RABGAP1: variants seen among roughly 807,000 people sequenced by gnomAD.
The protein encoded by RABGAP1 is rab GTPase-activating protein 1.
Under a neutral mutation model 137.6 loss-of-function variants are expected in RABGAP1, and 23 were observed. That is an observed-to-expected ratio of 0.17 (90% CI 0.12 to 0.24). The LOEUF (loss-of-function observed/expected upper bound fraction) is 0.24, where lower values mean the gene tolerates loss of function less well. Ranked by LOEUF, RABGAP1 falls within the 10% of genes least tolerant of loss-of-function variation. The pLI is 1.00. For synonymous variants in RABGAP1, 451 were observed against 450.7 expected (o/e 1.00, Z -0.01); for missense variants, 906 against 1,275.8 (o/e 0.71, Z 4.42).
intron 2 of RABGAP1, among the ~76,000 whole-genome samples, chr9:122,979,646 A>G (rs1286514683): frequency 6.6e-6 from 1 of 152,196 alleles, no homozygotes; most frequent in Non-Finnish European, 1.5e-5. Context: ...ATATGATGTG[A>G]ACTATTGAGA....
intron 1 of RABGAP1, among the ~76,000 whole-genome samples, chr9:122,953,659 A>G (rs1436657765): frequency 6.6e-6 from 1 of 152,212 alleles, no homozygotes; most frequent in African/African-American, 2.4e-5. Flanking sequence ...TTGACCTCCC[A>G]AAGTGCTGGG....
intron 21 of RABGAP1, among the ~76,000 whole-genome samples, chr9:123,096,772 A>G (rs10818786): frequency 3.9e-5 from 6 of 152,054 alleles, no homozygotes; most frequent in African/African-American, 7.2e-5. Flanking sequence ...GGGTTTCACT[A>G]TGTTGGCCAG....
At chr9:122,935,032 C>G in the RABGAP1 span, among the ~76,000 whole-genome samples, 1 of 152,144 alleles carries the variant, frequency 6.6e-6, no homozygotes, top group Non-Finnish European at 1.5e-5. Context: ...TGTCACTTCT[C>G]TATTTGTGTT....
intron 1 of RABGAP1, among the ~76,000 whole-genome samples, chr9:122,943,431 A>G (rs1055946880): frequency 7.9e-5 from 12 of 152,136 alleles, no homozygotes; most frequent in African/African-American, 2.9e-4. Flanking sequence ...ATTAATAGGT[A>G]TATATTTGTT....
intron 21 of RABGAP1, among the ~76,000 whole-genome samples, chr9:123,095,740 A>C (rs2035165242): frequency 1.3e-5 from 2 of 151,854 alleles, no homozygotes; most frequent in Admixed American, 1.3e-4. Flanking sequence ...TCTCCATGTA[A>C]GCACTATTTT....
chr9:123,052,977 A>G (rs2033551817), intron 13 of RABGAP1, among the ~76,000 whole-genome samples: 1 of 152,200 alleles, frequency 6.6e-6, no homozygotes, highest in African/African-American at 2.4e-5. Flanking sequence ...CTTTGCATAC[A>G]GAGTCAGATA....
chr9:122,990,837 G>A (rs1836686043), intron 6 of RABGAP1: 1 of 73,276 alleles, frequency 1.4e-5, no homozygotes, highest in Non-Finnish European at 2.8e-5. Context: ...ATATATATAT[G>A]GCCAAAGCTT....
chr9:123,002,473 A>G (rs190105610), intron 10 of RABGAP1, among the ~76,000 whole-genome samples: 14 of 151,264 alleles, frequency 9.3e-5, no homozygotes, highest in Admixed American at 3.3e-4. Context: ...CTTTAATCTC[A>G]TTTTAGTGAA....
chr9:123,001,746 C>T (rs889579990), intron 10 of RABGAP1, among the ~76,000 whole-genome samples: 2 of 152,214 alleles, frequency 1.3e-5, no homozygotes, highest in Admixed American at 6.5e-5. Flanking sequence ...ATAGAATCTT[C>T]CTCATAGTGC....
intron 14 of RABGAP1, among the ~76,000 whole-genome samples, chr9:123,067,645 C>T (rs1482060543): frequency 1.3e-5 from 2 of 152,194 alleles, no homozygotes; most frequent in Non-Finnish European, 2.9e-5. Context: ...ACCGTGATGT[C>T]TTCAAGGGCA....
intron 2 of RABGAP1, among the ~76,000 whole-genome samples, chr9:122,966,291 G>A (rs1210669821): frequency 1.3e-5 from 2 of 152,138 alleles, no homozygotes; most frequent in African/African-American, 2.4e-5. Context: ...ATGGGAGGCT[G>A]AGACAGGCAG....
chr9:122,998,052 A>T (rs1247821469), intron 9 of RABGAP1, among the ~76,000 whole-genome samples: 3 of 152,100 alleles, frequency 2.0e-5, no homozygotes, highest in East Asian at 1.9e-4. Context: ...TGTGCAGAAC[A>T]ATCTGACAGT....
intron 3 of RABGAP1, 65 bp from the exon 4 acceptor site, chr9:122,986,150 T>A: frequency 6.8e-7 from 1 of 1,464,178 alleles, no homozygotes; most frequent in East Asian, 2.3e-5. Flanking sequence ...GATTTTTACT[T>A]GCTAATCGTA....
intron 13 of RABGAP1, among the ~76,000 whole-genome samples, chr9:123,056,723 A>C (rs1192851558): frequency 2.0e-5 from 3 of 152,054 alleles, no homozygotes; most frequent in Admixed American, 6.5e-5. Flanking sequence ...TTAACAAAGC[A>C]CATCTTGCAC....
chr9:122,993,609 A>G (rs1836859058), intron 6 of RABGAP1, among the ~76,000 whole-genome samples: 1 of 152,046 alleles, frequency 6.6e-6, no homozygotes, highest in Admixed American at 6.6e-5. Context: ...CTGCTTCTCC[A>G]TTTTGCCCAT....
chr9:122,972,991 T>G (rs956961365), intron 2 of RABGAP1, among the ~76,000 whole-genome samples: 1 of 98,514 alleles, frequency 1.0e-5, no homozygotes, highest in Non-Finnish European at 2.4e-5. Flanking sequence ...AAAAAAAAAA[T>G]ACATAGAGGT....
upstream of RABGAP1, chr9:122,938,651 A>T (rs1833429113): frequency 6.6e-6 from 1 of 152,190 alleles, no homozygotes; most frequent in Non-Finnish European, 1.5e-5. Flanking sequence ...AGATACAATA[A>T]ATGTTATATC....
intron 13 of RABGAP1, among the ~76,000 whole-genome samples, chr9:123,048,204 G>A (rs953312251): frequency 1.3e-5 from 2 of 152,060 alleles, no homozygotes; most frequent in Admixed American, 6.6e-5. Context: ...CTCCCAAAGT[G>A]TTAGGATTAC....
intron 13 of RABGAP1, chr9:123,034,589 A>G (rs534805438): frequency 1.2e-6 from 2 of 1,608,040 alleles, no homozygotes; most frequent in African/African-American, 2.7e-5. Flanking sequence ...TTGGATGGTA[A>G]TCAGAGCAGC....
Sources: allele counts gnomAD v4.1 joint callset (sites outside exome capture counted in the v4.1 genomes callset), GRCh38; gene constraint gnomAD v4.1.1; transcripts MANE v1.5; gene names NCBI Gene and HGNC (gene_info 2026-07-23, HGNC 2026-07-21).